OLA1: variants seen among roughly 807,000 people sequenced by gnomAD.
OLA1 encodes Obg like ATPase 1, also known as obg-like ATPase 1.
OLA1 carries 14 observed loss-of-function variants against 48.4 expected under a neutral mutation model. That is an observed-to-expected ratio of 0.29 (90% confidence interval 0.19 to 0.45). The LOEUF is 0.45. OLA1 is among the 20% of genes least tolerant of loss of function. OLA1 has a pLI of 1.00. For synonymous variants in OLA1, 127 were observed against 150.4 expected (o/e 0.84, Z 1.14); for missense variants, 325 against 467.1 (o/e 0.70, Z 2.80).
intron 4 of OLA1, among the ~76,000 whole-genome samples, chr2:174,185,550 A>G (rs1363639337): frequency 6.6e-6 from 1 of 152,162 alleles, no homozygotes; most frequent in Non-Finnish European, 1.5e-5. Context: ...TTAGTCACCA[A>G]GGAAGAAAGA....
At chr2:174,197,750 T>G (rs1687910507) in intron 4 of OLA1, among the ~76,000 whole-genome samples, 1 of 152,220 alleles carries the variant, frequency 6.6e-6, no homozygotes, top group Non-Finnish European at 1.5e-5. Flanking sequence ...GCAAATGTGA[T>G]CTACAACTTC....
intron 4 of OLA1, among the ~76,000 whole-genome samples, chr2:174,146,093 A>G (rs1368193581): frequency 6.6e-6 from 1 of 152,210 alleles, no homozygotes; most frequent in Non-Finnish European, 1.5e-5. Flanking sequence ...AAATAGCAAT[A>G]AATTTGAAGT....
intron 4 of OLA1, among the ~76,000 whole-genome samples, chr2:174,187,260 T>C (rs777419253): frequency 6.6e-6 from 1 of 152,202 alleles, no homozygotes; most frequent in Non-Finnish European, 1.5e-5. Flanking sequence ...AGAACAAGTC[T>C]ATATTGCTCG....
intron 2 of OLA1, among the ~76,000 whole-genome samples, 179 bp downstream of exon 2, chr2:174,246,536 C>A (rs1689131159): frequency 6.6e-6 from 1 of 152,142 alleles, no homozygotes; most frequent in Admixed American, 6.5e-5. Context: ...ACATAGCCAA[C>A]CAGCACTGAA....
At chr2:174,106,261 A>G (rs1345397429) in intron 7 of OLA1, among the ~76,000 whole-genome samples, 2 of 152,130 alleles carry the variant, frequency 1.3e-5, no homozygotes, top group Non-Finnish European at 2.9e-5. Context: ...CAAATTCATT[A>G]ACTAAAAACA....
intron 4 of OLA1, among the ~76,000 whole-genome samples, chr2:174,154,758 T>A (rs573050454): frequency 1.8e-3 from 273 of 152,354 alleles, no homozygotes; most frequent in Non-Finnish European, 2.7e-3. Flanking sequence ...ATTCTGTCTT[T>A]ATTAGCAATA....
intron 4 of OLA1, among the ~76,000 whole-genome samples, chr2:174,144,665 CT>C (rs1209249468): frequency 2.6e-5 from 4 of 151,530 alleles, no homozygotes; most frequent in Non-Finnish European, 4.4e-5. Context: ...AGAATATAGT[CT>C]TTGAGGCCCG....
intron 2 of OLA1, among the ~76,000 whole-genome samples, chr2:174,231,185 A>C (rs1688721612): frequency 6.6e-6 from 1 of 152,220 alleles, no homozygotes; most frequent in Non-Finnish European, 1.5e-5. Flanking sequence ...TCTCCATGAA[A>C]AAATTTAAAA....
chr2:174,143,513 C>T (rs1344898991), intron 4 of OLA1, among the ~76,000 whole-genome samples: 5 of 152,192 alleles, frequency 3.3e-5, no homozygotes, highest in African/African-American at 1.2e-4. Flanking sequence ...ACTAAGCTTT[C>T]TGTGACACTC....
intron 9 of OLA1, among the ~76,000 whole-genome samples, chr2:174,080,624 T>C (rs1684834520): frequency 6.6e-6 from 1 of 152,088 alleles, no homozygotes; most frequent in African/African-American, 2.4e-5. Flanking sequence ...TAAACATTAC[T>C]TCTATGAATT....
rs377143381 is a variant in OLA1 at position 174,075,438 on chromosome 2, C to T, written c.1179G>A (p.Pro393=). ...IFFKFNTPQQ[P]KKK is the part of the protein sequence containing the mutation. ...CAATAACTAAATTTTATTTCTTCTT[C>T]GGTTGTTGAGGTGTGTTAAATTTGA... Residue 393 remains proline, a synonymous_variant, in exon 11 of 11, where the codon CCG becomes CCA. Transcript: ENST00000284719. 3.1e-5 allele frequency: 49 copies of T among 1,577,490 alleles called. No homozygotes were observed. The highest frequency in any genetic ancestry group is 6.7e-5 in the Admixed American group (4 of 59,658).
At chr2:174,083,773 A>G (rs1684909875) in intron 7 of OLA1, among the ~76,000 whole-genome samples, 1 of 152,228 alleles carries the variant, frequency 6.6e-6, no homozygotes, top group South Asian at 2.1e-4. Flanking sequence ...AAAGCAGATC[A>G]CATACCAAAT....
At chr2:174,151,119 G>A (rs1289720636) in intron 4 of OLA1, among the ~76,000 whole-genome samples, 1 of 150,896 alleles carries the variant, frequency 6.6e-6, no homozygotes, top group Non-Finnish European at 1.5e-5. Context: ...TCTAGTCATA[G>A]GGAGCCAATC....
chr2:174,211,566 T>A (rs1396460862), intron 4 of OLA1, among the ~76,000 whole-genome samples: 5 of 152,186 alleles, frequency 3.3e-5, no homozygotes, highest in Non-Finnish European at 5.9e-5. Context: ...AAATGAAAAA[T>A]TCCTCATATT....
At chr2:174,214,516 A>G (rs1688318049) in intron 4 of OLA1, among the ~76,000 whole-genome samples, 1 of 152,106 alleles carries the variant, frequency 6.6e-6, no homozygotes, top group African/African-American at 2.4e-5. Flanking sequence ...ACAAAAAACC[A>G]TGAGATTCTA....
At chr2:174,109,376 TTTAC>T (rs1685588674) in intron 7 of OLA1, among the ~76,000 whole-genome samples, 1 of 152,154 alleles carries the variant, frequency 6.6e-6, no homozygotes. Context: ...CAATACATAT[TTTAC>T]TTAATAATAG....
At chr2:174,152,369 C>T (rs927752843) in intron 4 of OLA1, among the ~76,000 whole-genome samples, 1 of 152,036 alleles carries the variant, frequency 6.6e-6, no homozygotes, top group Non-Finnish European at 1.5e-5. Context: ...GGCCACTGCA[C>T]TCCAGCCTGG....
Position 174,211,976 on chromosome 2 carries a change from T to G in OLA1, c.373+11057A>C, listed in dbSNP as rs556944743. The stretch of plus-strand genomic sequence containing the variant: ...CTCACATTTATGGCTTTTATTATAT[T>G]TCCATTGGTCAGCACTGGTACAAAG... On this transcript the variant is annotated intron_variant, in intron 4 of 10. Transcript: ENST00000284719. Among the ~76,000 whole-genome samples, 7 of 152,294 alleles carry G rather than the reference T, an allele frequency of 4.6e-5. 1 individual carries two copies. In the South Asian group the frequency reaches 1.2e-3, roughly 27 times the overall value.
At chr2:174,085,138 G>A (rs1684940203) in intron 7 of OLA1, among the ~76,000 whole-genome samples, 1 of 152,176 alleles carries the variant, frequency 6.6e-6, no homozygotes, top group Admixed American at 6.5e-5. Context: ...TTTCTTCCCG[G>A]TAGTGATTCC....
Sources: gnomAD v4.1 joint callset for allele counts (sites outside exome capture counted in the v4.1 genomes callset) on GRCh38, gnomAD v4.1.1 for gene constraint, MANE v1.5 for transcripts, NCBI Gene and HGNC (gene_info 2026-07-23, HGNC 2026-07-21) for gene names.